EEA1: variants seen among roughly 807,000 people sequenced by gnomAD.
EEA1 encodes early endosome antigen 1, also known as early endosome antigen 1, 162kD.
Under a neutral mutation model 209.2 loss-of-function variants are expected in EEA1, and 111 were observed. The ratio of observed to expected loss-of-function variants is 0.53; its 90% CI spans 0.45 to 0.62. The LOEUF is 0.62. Among genes scored for constraint, EEA1 ranks in the 20% least tolerant of loss-of-function variants. The pLI is 0.00. For synonymous variants in EEA1, 536 were observed against 540.6 expected, an observed-to-expected ratio of 0.99 and a Z score of 0.12; for missense variants, 1,343 against 1,530.8, an observed-to-expected ratio of 0.88 and a Z score of 2.05.
intron 2 of EEA1, among the ~76,000 whole-genome samples, chr12:92,873,092 C>T (rs1315046374): frequency 6.6e-6 from 1 of 152,174 alleles, no homozygotes; most frequent in Non-Finnish European, 1.5e-5. Flanking sequence ...GGACTTGGGT[C>T]TTGGGTCTCA....
chr12:92,836,947 C>T (rs1289058530), intron 10 of EEA1, among the ~76,000 whole-genome samples: 1 of 151,900 alleles, frequency 6.6e-6, no homozygotes, highest in Non-Finnish European at 1.5e-5. Flanking sequence ...ATGGTGAAAC[C>T]CCGTCTCTAC....
chr12:92,834,136 G>A (rs1876799307), intron 10 of EEA1, among the ~76,000 whole-genome samples: 2 of 151,964 alleles, frequency 1.3e-5, no homozygotes, highest in Admixed American at 1.3e-4. Flanking sequence ...TCCCCAACAT[G>A]GGAAACGCAG....
intron 9 of EEA1, among the ~76,000 whole-genome samples, chr12:92,844,326 G>C (rs1877302931): frequency 6.6e-6 from 1 of 152,008 alleles, no homozygotes; most frequent in South Asian, 2.1e-4. Flanking sequence ...TATGTGCATG[G>C]CCTGACCTTT....
At chr12:92,834,954 A>C (rs1592727655) in intron 10 of EEA1, among the ~76,000 whole-genome samples, 1 of 147,706 alleles carries the variant, frequency 6.8e-6, no homozygotes, top group Middle Eastern at 3.2e-3. Context: ...ATCTCAGCTA[A>C]CTCCAAGCTC....
chr12:92,833,894 T>A (rs556642733), intron 10 of EEA1, among the ~76,000 whole-genome samples: 77 of 152,250 alleles, frequency 5.1e-4, no homozygotes, highest in African/African-American at 1.4e-3. Context: ...ACAATTTTTT[T>A]AAAAAATGAG....
chr12:92,909,676 A>G (rs568742623), intron 1 of EEA1, among the ~76,000 whole-genome samples: 13 of 152,342 alleles, frequency 8.5e-5, no homozygotes, highest in African/African-American at 3.1e-4. Flanking sequence ...ATGGATTGCC[A>G]TTATTGTGAA....
chr12:92,885,817 C>T (rs1879355414), intron 2 of EEA1, among the ~76,000 whole-genome samples: 1 of 152,178 alleles, frequency 6.6e-6, no homozygotes, highest in Non-Finnish European at 1.5e-5. Flanking sequence ...TGGACCTGCG[C>T]AGTTCAAACC....
At chr12:92,878,369 T>C (rs913396846) in intron 2 of EEA1, among the ~76,000 whole-genome samples, 2 of 152,122 alleles carry the variant, frequency 1.3e-5, no homozygotes, top group Non-Finnish European at 2.9e-5. Context: ...GTACTGAATA[T>C]GGTGGATGAG....
intron 11 of EEA1, among the ~76,000 whole-genome samples, chr12:92,831,812 G>A (rs966877038): frequency 7.3e-5 from 11 of 151,472 alleles, no homozygotes; most frequent in Admixed American, 1.3e-4. Flanking sequence ...TTGGCCGGGC[G>A]CGGTGGCTCA....
At chr12:92,883,746 C>G in intron 2 of EEA1, 1 of 1,284,222 alleles carries the variant, frequency 7.8e-7, no homozygotes, top group Non-Finnish European at 1.1e-6. Flanking sequence ...GAAGAAGCAT[C>G]GTTAAAGTCT....
rs934936977 is a variant in EEA1, at chr12:92,772,317, A to C, written c.*3694T>G. 3 of 151,914 alleles carry C rather than the reference A, an allele frequency of 2.0e-5. No homozygotes were observed. The highest frequency in any genetic ancestry group is 4.4e-5 in the Non-Finnish European group (3 of 67,840). 9.4% of individuals were successfully genotyped at this position (151,914 alleles called of 1,614,324 possible). On this transcript the variant is annotated 3_prime_UTR_variant, in exon 29 of 29. Coordinates refer to ENST00000322349, the MANE Select transcript of EEA1 (RefSeq NM_003566.4). The stretch of plus-strand genomic sequence containing the variant: ...TCTACAATATTAAATGGAATGTCTA[A>C]GGCAAAATGGCATTAATAATTTCTC...
At chr12:92,850,234 GT>G (rs1387324501) in intron 9 of EEA1, among the ~76,000 whole-genome samples, 6 of 152,184 alleles carry the variant, frequency 3.9e-5, no homozygotes, top group Non-Finnish European at 8.8e-5. Flanking sequence ...GGAAACAAAT[GT>G]CAGCTCAATA....
chr12:92,784,193 A>C (rs1874027343), intron 22 of EEA1, among the ~76,000 whole-genome samples: 1 of 152,218 alleles, frequency 6.6e-6, no homozygotes, highest in Non-Finnish European at 1.5e-5. Context: ...CTTTGACTTA[A>C]GGGAGTTGAG....
chr12:92,865,669 C>A (rs12315858), intron 2 of EEA1, among the ~76,000 whole-genome samples: 204 of 152,072 alleles, frequency 1.3e-3, no homozygotes, highest in African/African-American at 4.7e-3. Context: ...GGTTGCAATT[C>A]ATTAATGAAT....
intron 2 of EEA1, among the ~76,000 whole-genome samples, chr12:92,865,508 C>T (rs1878343432): frequency 6.6e-6 from 1 of 151,858 alleles, no homozygotes; most frequent in Non-Finnish European, 1.5e-5. Flanking sequence ...ACAGCTAACA[C>T]AGTAAAGGCC....
At chr12:92,894,289 T>C (rs1879777144) in intron 1 of EEA1, among the ~76,000 whole-genome samples, 1 of 152,088 alleles carries the variant, frequency 6.6e-6, no homozygotes, top group African/African-American at 2.4e-5. Flanking sequence ...GACACAACCA[T>C]ATTAAAATTA....
intron 2 of EEA1, among the ~76,000 whole-genome samples, chr12:92,886,750 A>G (rs1356834360): frequency 4.6e-5 from 7 of 152,062 alleles, no homozygotes; most frequent in South Asian, 4.2e-4. Context: ...TGTAATCCCA[A>G]CACTTTGGGA....
At chr12:92,854,683 T>G (rs61935264) in intron 5 of EEA1, among the ~76,000 whole-genome samples, 43,209 of 152,138 alleles carry the variant, frequency 0.28, 6,582 homozygotes, top group Non-Finnish European at 0.32. Flanking sequence ...TGGCCTTAGA[T>G]CTTTGAGTCT....
At chr12:92,786,616 C>T (rs974023870) in intron 22 of EEA1, among the ~76,000 whole-genome samples, 5 of 152,044 alleles carry the variant, frequency 3.3e-5, no homozygotes, top group African/African-American at 1.2e-4. Flanking sequence ...TAATGTTCAT[C>T]CCAGTTCTAA....
Sources: allele counts gnomAD v4.1 joint callset (sites outside exome capture counted in the v4.1 genomes callset), GRCh38; gene constraint gnomAD v4.1.1; transcripts MANE v1.5; gene names NCBI Gene and HGNC (gene_info 2026-07-23, HGNC 2026-07-21).